The following GNA14 variants were observed in gnomAD, a reference collection of about 807,000 sequenced individuals.
GNA14 encodes guanine nucleotide-binding protein subunit alpha-14.
Under a neutral mutation model 42.0 loss-of-function variants are expected in GNA14, and 50 were observed. That is an observed-to-expected ratio of 1.19 (90% CI 0.95 to 1.51). GNA14 has a LOEUF of 1.51. Ranked by LOEUF, GNA14 falls within the 40% of genes most tolerant of loss-of-function variation. The pLI is 0.00. For missense variants in GNA14, 473 were observed against 446.2 expected, an observed-to-expected ratio of 1.06 and a Z score of -0.54; for synonymous variants, 173 against 163.1, an observed-to-expected ratio of 1.06 and a Z score of -0.46.
intron 2 of GNA14, among the ~76,000 whole-genome samples, chr9:77,454,211 T>C (rs1206369500): frequency 6.6e-6 from 1 of 152,226 alleles, no homozygotes; most frequent in African/African-American, 2.4e-5. Flanking sequence ...TCCAAAGTCT[T>C]CACCGTTTCT....
At chr9:77,476,214 G>C (rs1474066485) in intron 2 of GNA14, among the ~76,000 whole-genome samples, 1 of 152,136 alleles carries the variant, frequency 6.6e-6, no homozygotes, top group Non-Finnish European at 1.5e-5. Flanking sequence ...AAATGATTCA[G>C]ATTTTAGATT....
At chr9:77,519,104 G>A (rs1837308646) in intron 2 of GNA14, among the ~76,000 whole-genome samples, 1 of 152,048 alleles carries the variant, frequency 6.6e-6, no homozygotes, top group African/African-American at 2.4e-5. Flanking sequence ...TCTAAAGGCA[G>A]GTTTACTGAT....
chr9:77,561,344 A>G lies in GNA14; in HGVS notation c.125-32091T>C, dbSNP rs915962199. Reference sequence around the variant, plus strand: ...CCCTCAAATGAACAAATCCATCTTTAGAGGCCGAATAAAGGATAAGAAATA... The same window carrying G: ...CCCTCAAATGAACAAATCCATCTTTGGAGGCCGAATAAAGGATAAGAAATA... On this transcript the variant is annotated intron_variant, in intron 1 of 6. Transcript: ENST00000341700. 7.9e-5 allele frequency among the ~76,000 whole-genome samples: 12 copies of G among 152,338 alleles called. No homozygotes were observed. The East Asian group carries it at 1.9e-3, about 24-fold the overall frequency.
At chr9:77,574,893 A>T (rs896433362) in intron 1 of GNA14, among the ~76,000 whole-genome samples, 1 of 152,200 alleles carries the variant, frequency 6.6e-6, no homozygotes, top group East Asian at 1.9e-4. Context: ...TGGCTCTAAA[A>T]TAAGTGCAAG....
chr9:77,604,198 G>A (rs1381838072), intron 1 of GNA14, among the ~76,000 whole-genome samples: 1 of 152,064 alleles, frequency 6.6e-6, no homozygotes, highest in African/African-American at 2.4e-5. Flanking sequence ...AAACACTTCA[G>A]TCAACAAATT....
intron 1 of GNA14, among the ~76,000 whole-genome samples, chr9:77,566,937 T>A (rs1822977954): frequency 6.6e-6 from 1 of 152,170 alleles, no homozygotes; most frequent in Admixed American, 6.5e-5. Flanking sequence ...ATAATAATTA[T>A]TTGTATTTGC....
intron 2 of GNA14, among the ~76,000 whole-genome samples, chr9:77,490,076 G>A (rs1266076265): frequency 1.3e-5 from 2 of 152,098 alleles, no homozygotes; most frequent in East Asian, 3.9e-4. Flanking sequence ...TAGATACAGA[G>A]TGTCGATTGG....
At chr9:77,618,483 G>A (rs899424939) in intron 1 of GNA14, among the ~76,000 whole-genome samples, 5 of 149,934 alleles carry the variant, frequency 3.3e-5, no homozygotes, top group African/African-American at 4.9e-5. Context: ...CAGTAGTTAC[G>A]TGGAGCCATT....
chr9:77,646,522 G>C (rs1824354384), intron 1 of GNA14, among the ~76,000 whole-genome samples: 1 of 152,160 alleles, frequency 6.6e-6, no homozygotes, highest in Admixed American at 6.5e-5. Flanking sequence ...AGGTCTGAAG[G>C]CCATACTGGC....
intron 1 of GNA14, among the ~76,000 whole-genome samples, chr9:77,607,707 C>G (rs912699561): frequency 2.6e-5 from 4 of 152,140 alleles, no homozygotes; most frequent in Non-Finnish European, 4.4e-5. Context: ...GTTCTGAAGG[C>G]TAGTAAGTCC....
chr9:77,429,030 C>T lies in GNA14; in HGVS notation c.600G>A (p.Val200=), dbSNP rs763694299. Residue 200 remains valine, a synonymous_variant, in exon 5 of 7, where the codon GTG becomes GTA. Transcript: ENST00000341700. ...FDLENIIFRM[V]DVGGQRSERR... ...TTTCCGATCGTTGGCCACCAACATC[C>T]ACCATCCTGTTGTGTAGAAACACAG... The T allele has an allele frequency of 5.6e-6, 9 of 1,614,038 alleles. No individual in the cohort carries two copies. In the South Asian group the frequency reaches 9.9e-5, roughly 18 times the overall value.
intron 2 of GNA14, among the ~76,000 whole-genome samples, chr9:77,513,746 G>C (rs773068168): frequency 6.6e-6 from 1 of 152,212 alleles, no homozygotes; most frequent in Non-Finnish European, 1.5e-5. Flanking sequence ...TTATAGCTAA[G>C]TCCACCACAT....
intron 1 of GNA14, among the ~76,000 whole-genome samples, chr9:77,629,679 T>C (rs182831543): frequency 6.6e-6 from 1 of 152,258 alleles, no homozygotes; most frequent in Admixed American, 6.5e-5. Flanking sequence ...AACTGAATAA[T>C]GATAACACAT....
At chr9:77,521,466 A>C (rs915514496) in intron 2 of GNA14, among the ~76,000 whole-genome samples, 8 of 152,186 alleles carry the variant, frequency 5.3e-5, no homozygotes, top group Non-Finnish European at 1.0e-4. Context: ...AAAACTCTCC[A>C]ATAAAAAAGT....
chr9:77,424,099 T>C lies in GNA14; in HGVS notation c.948A>G (p.Lys316=). 6.2e-7 allele frequency: 1 copy of C among 1,612,696 alleles called. No homozygotes were observed. The highest frequency in any genetic ancestry group is 8.5e-7 in the Non-Finnish European group (1 of 1,179,064). ...LKLYQDQNPD[K]EKVIYSHFTC... is the part of the protein sequence containing the mutation. Reference sequence around the variant, plus strand: ...TGAAGTGAGAGTAGATGACTTTCTCTTTGTCAGGATTCTGATCTTGGTAAA... The same window carrying C: ...TGAAGTGAGAGTAGATGACTTTCTCCTTGTCAGGATTCTGATCTTGGTAAA... Residue 316 remains lysine (K), a synonymous_variant, in exon 7 of 7, where the codon AAA becomes AAG. Transcript: ENST00000341700.
Position 77,454,794 on chromosome 9 carries a change from G to A in GNA14, c.310-20272C>T, listed in dbSNP as rs115672361. 8.3e-3 allele frequency among the ~76,000 whole-genome samples: 1,258 copies of A among 152,154 alleles called. 22 individuals are homozygous for A. Among genetic ancestry groups the A allele is most frequent in the African/African-American group, 0.028 (1,147 of 41,504 alleles). On this transcript the variant is annotated intron_variant, in intron 2 of 6. Transcript: ENST00000341700. ...AGTAGAGCAAAGGCCTTTCTAATGCGAACAGTCAGGGTCAACGAAAAAAGT... is the reference window on the plus strand; with the variant it reads ...AGTAGAGCAAAGGCCTTTCTAATGCAAACAGTCAGGGTCAACGAAAAAAGT...
Position 77,632,251 on chromosome 9 carries a change from C to T in GNA14, c.124+15419G>A, listed in dbSNP as rs146890765. On this transcript the variant is annotated intron_variant, in intron 1 of 6. Coordinates refer to ENST00000341700, the MANE Select transcript of GNA14 (RefSeq NM_004297.4). ...GAAGCTTGGTGCTGGGCCACAGGCA[C>T]CTCTTGGCACATGGGCATCCTGGGT... 1.1e-3 allele frequency among the ~76,000 whole-genome samples: 175 copies of T among 152,326 alleles called. 1 individual carries two copies. Among genetic ancestry groups the T allele is most frequent in the African/African-American group, 4.1e-3 (170 of 41,584 alleles).
chr9:77,495,494 A>G (rs1397630919), intron 2 of GNA14, among the ~76,000 whole-genome samples: 1 of 152,314 alleles, frequency 6.6e-6, no homozygotes, highest in East Asian at 1.9e-4. Flanking sequence ...GACCAGGTAC[A>G]TGGACATTCT....
intron 1 of GNA14, among the ~76,000 whole-genome samples, chr9:77,597,924 C>G (rs969099689): frequency 4.0e-5 from 6 of 151,892 alleles, no homozygotes; most frequent in African/African-American, 1.2e-4. Flanking sequence ...ATTAGCTGGG[C>G]GTGGTGGTGC....
Sources: allele counts gnomAD v4.1 joint callset (sites outside exome capture counted in the v4.1 genomes callset), GRCh38; gene constraint gnomAD v4.1.1; transcripts MANE v1.5; gene names NCBI Gene and HGNC (gene_info 2026-07-23, HGNC 2026-07-21).